Variants in MSI2 observed in about 807,000 individuals in gnomAD.
The protein encoded by MSI2 is musashi RNA binding protein 2.
Under a neutral mutation model 45.6 loss-of-function variants are expected in MSI2, and 17 were observed. The observed-to-expected ratio is 0.37, with a 90% CI of 0.26 to 0.56. The LOEUF (loss-of-function observed/expected upper bound fraction) is 0.56. MSI2 is among the 20% of genes least tolerant of loss of function. MSI2 has a pLI of 0.77. For missense variants in MSI2, 293 were observed against 444.2 expected (o/e 0.66, Z 3.06); for synonymous variants, 156 against 158.2 (o/e 0.99, Z 0.11).
At chr17:57,347,154 A>G (rs755787783) in intron 5 of MSI2, among the ~76,000 whole-genome samples, 5 of 152,170 alleles carry the variant, frequency 3.3e-5, no homozygotes, top group African/African-American at 4.8e-5. Flanking sequence ...TTAAGCAGCT[A>G]TTAGTTAATA....
At position 57,627,561 on chromosome 17, in the gene MSI2, G is replaced by A. The variant is rs1488667227; in HGVS notation, c.727+258G>A. 5.2e-5 allele frequency: 28 copies of A among 534,640 alleles called. No individual in the cohort carries two copies. In the East Asian group the frequency reaches 8.8e-4, roughly 17 times the overall value. The allele number at this position is 534,640 out of a possible 1,614,324, so 33.1% of individuals were successfully genotyped here. ...AGGGAAAGCAGAACGGAGGCAGGAG[G>A]CCTCCCTGTGCTCACCTCCTTTTTC... On this transcript the variant is annotated intron_variant, in intron 10 of 13. Coordinates refer to ENST00000284073, the MANE Select transcript of MSI2 (RefSeq NM_138962.4). This position sits in a 1 kb window ranked among gnomAD's most constrained non-coding sequence, Gnocchi z 4.6.
At chr17:57,311,254 A>G (rs1912377297) in intron 5 of MSI2, among the ~76,000 whole-genome samples, 1 of 152,232 alleles carries the variant, frequency 6.6e-6, no homozygotes, top group Non-Finnish European at 1.5e-5. Context: ...CATAGGGTCT[A>G]TGGTGACTTC....
At chr17:57,414,881 T>C (rs1004266825) in intron 6 of MSI2, among the ~76,000 whole-genome samples, 8 of 152,150 alleles carry the variant, frequency 5.3e-5, no homozygotes, top group African/African-American at 1.9e-4. Context: ...TAATGCCCTT[T>C]TCAGAGTCGG....
chr17:57,491,188 A>G (rs999054394), intron 6 of MSI2, among the ~76,000 whole-genome samples: 2 of 152,196 alleles, frequency 1.3e-5, no homozygotes, highest in East Asian at 3.9e-4. Flanking sequence ...GAGGGGAGTT[A>G]CCTGCTTCTT....
chr17:57,363,407 G>A (rs913187267), intron 5 of MSI2, among the ~76,000 whole-genome samples: 2 of 152,186 alleles, frequency 1.3e-5, no homozygotes, highest in Non-Finnish European at 2.9e-5. Context: ...GTGACAGAAA[G>A]AGTGGCGATT....
intron 5 of MSI2, among the ~76,000 whole-genome samples, chr17:57,351,355 G>A (rs1916017098): frequency 6.6e-6 from 1 of 152,118 alleles, no homozygotes; most frequent in African/African-American, 2.4e-5. Context: ...GCTGGGACTA[G>A]GGCTTAGTTG....
intron 5 of MSI2, among the ~76,000 whole-genome samples, chr17:57,299,195 G>A (rs1911228367): frequency 6.6e-6 from 1 of 152,228 alleles, no homozygotes; most frequent in African/African-American, 2.4e-5. Context: ...TGGCTGGTTT[G>A]ATCTTCTATC....
chr17:57,363,630 T>G (rs1419623166), intron 5 of MSI2, among the ~76,000 whole-genome samples: 1 of 152,118 alleles, frequency 6.6e-6, no homozygotes, highest in African/African-American at 2.4e-5. Context: ...TCCCAGCTAC[T>G]CAGGAGGCTG....
intron 11 of MSI2, among the ~76,000 whole-genome samples, chr17:57,665,211 T>C (rs1286368772): frequency 2.6e-5 from 4 of 152,268 alleles, no homozygotes; most frequent in African/African-American, 7.2e-5. Flanking sequence ...TTTGTCCTCA[T>C]AGAGGGACCC....
chr17:57,666,854 GA>G (rs35899796), intron 11 of MSI2, among the ~76,000 whole-genome samples: 89,495 of 151,956 alleles, frequency 0.59, 28,048 homozygotes, highest in East Asian at 0.79. Context: ...CTTCTTTTTT[GA>G]AAAAAAGAGA....
intron 6 of MSI2, among the ~76,000 whole-genome samples, chr17:57,423,624 T>C (rs1387496837): frequency 6.6e-6 from 1 of 152,228 alleles, no homozygotes; most frequent in Admixed American, 6.5e-5. Context: ...CCAGCATAAT[T>C]TGCCATTTGT....
intron 6 of MSI2, among the ~76,000 whole-genome samples, chr17:57,447,834 T>C (rs753782720): frequency 1.3e-5 from 2 of 152,160 alleles, no homozygotes; most frequent in Non-Finnish European, 2.9e-5. Flanking sequence ...GACAATTTAC[T>C]TCTGTCTTTG....
rs1179164458 is a variant in MSI2 at position 57,683,980 on chromosome 17, T to A, written c.*4463T>A. The A allele has an allele frequency of 4.4e-6, 1 of 229,044 alleles. No homozygotes were observed. The highest frequency in any genetic ancestry group is 6.2e-5 in the East Asian group (1 of 16,166). The allele number at this position is 229,044 out of a possible 1,614,324, so 14.2% of individuals were successfully genotyped here. On this transcript the variant is annotated 3_prime_UTR_variant, in exon 14 of 14. Transcript: ENST00000284073. This position sits in a 1 kb window ranked among gnomAD's most constrained non-coding sequence, Gnocchi z 5.2. ...AAGTAAACTAAAACACAAAAACATATAAATAAAATCCATCCCTCTTGTCGG... is the reference window on the plus strand; with the variant it reads ...AAGTAAACTAAAACACAAAAACATAAAAATAAAATCCATCCCTCTTGTCGG...
intron 5 of MSI2, among the ~76,000 whole-genome samples, chr17:57,355,755 C>G (rs1220097241): frequency 6.6e-6 from 1 of 152,234 alleles, no homozygotes; most frequent in African/African-American, 2.4e-5. Flanking sequence ...CTTTTAATAA[C>G]TTGCTCTGTG....
At chr17:57,509,867 C>T (rs931133598) in intron 6 of MSI2, among the ~76,000 whole-genome samples, 2 of 152,072 alleles carry the variant, frequency 1.3e-5, no homozygotes, top group Non-Finnish European at 2.9e-5. Flanking sequence ...CCATCCTTTA[C>T]GATTAGTGTC....
Position 57,648,175 on chromosome 17 carries a change from GTGTGTGTT to G in MSI2, c.728-3920_728-3913del, listed in dbSNP as rs1223747182. Among the ~76,000 whole-genome samples, 191 of 146,162 alleles carry G rather than the reference GTGTGTGTT, an allele frequency of 1.3e-3. 1 individual carries two copies. Among genetic ancestry groups the G allele is most frequent in the African/African-American group, 4.6e-3 (177 of 38,286 alleles). On this transcript the variant is annotated intron_variant, in intron 10 of 13. Coordinates refer to ENST00000284073, the MANE Select transcript of MSI2 (RefSeq NM_138962.4). ...TGTGTGTGTGTGTGTGTGTGTGTGT[GTGTGTGTT>G]TGTAGTGACAGGGTTTTCCCATGTT...
intron 11 of MSI2, among the ~76,000 whole-genome samples, chr17:57,662,832 T>A (rs1912084781): frequency 6.6e-6 from 1 of 152,224 alleles, no homozygotes; most frequent in African/African-American, 2.4e-5. Context: ...GGCTGACAGG[T>A]TTCTGGTCCC....
chr17:57,493,495 A>T (rs1182712394), intron 6 of MSI2, among the ~76,000 whole-genome samples: 1 of 151,890 alleles, frequency 6.6e-6, no homozygotes, highest in Non-Finnish European at 1.5e-5. Flanking sequence ...AACACTTGCC[A>T]TGGGGTAGTC....
At chr17:57,499,705 G>A (rs1365032525) in intron 6 of MSI2, among the ~76,000 whole-genome samples, 1 of 152,176 alleles carries the variant, frequency 6.6e-6, no homozygotes, top group East Asian at 1.9e-4. Context: ...TTCAGGCTGG[G>A]AGCATCTCAT....
Sources: allele counts gnomAD v4.1 joint callset (sites outside exome capture counted in the v4.1 genomes callset), GRCh38; gene constraint gnomAD v4.1.1; non-coding constraint Gnocchi (gnomAD v3.1); transcripts MANE v1.5; gene names NCBI Gene and HGNC (gene_info 2026-07-23, HGNC 2026-07-21).